Variants in SH3D19 observed in about 807,000 individuals in gnomAD.
SH3D19 encodes SH3 domain-containing protein 19.
A neutral mutation model predicts 112.1 loss-of-function variants in SH3D19; 58 were observed. The observed-to-expected ratio is 0.52, with a 90% CI of 0.42 to 0.64. The LOEUF (loss-of-function observed/expected upper bound fraction) is 0.64. Ranked by LOEUF, SH3D19 falls within the 30% of genes least tolerant of loss-of-function variation. SH3D19 has a pLI of 0.00. For missense variants in SH3D19, 1,090 were observed against 1,263.4 expected, an observed-to-expected ratio of 0.86 and a Z score of 2.08; for synonymous variants, 391 against 448.5, an observed-to-expected ratio of 0.87 and a Z score of 1.62.
At chr4:151,199,962 G>C (rs1010434197) in intron 2 of SH3D19, among the ~76,000 whole-genome samples, 1 of 152,116 alleles carries the variant, frequency 6.6e-6, no homozygotes, top group Non-Finnish European at 1.5e-5. Context: ...TAGGTCATAA[G>C]GGTAGAGCCC....
chr4:151,254,084 A>G (rs1037650730), intron 1 of SH3D19, among the ~76,000 whole-genome samples: 7 of 152,228 alleles, frequency 4.6e-5, no homozygotes, highest in Non-Finnish European at 2.9e-5. Flanking sequence ...CAAGGGCCTC[A>G]GTTTCCTCAT....
At chr4:151,321,982 T>G (rs759132314) in intron 1 of SH3D19, among the ~76,000 whole-genome samples, 4 of 152,124 alleles carry the variant, frequency 2.6e-5, no homozygotes, top group Non-Finnish European at 5.9e-5. Flanking sequence ...CTCTGTCAGG[T>G]CAGGCAATTA....
chr4:151,219,205 T>C (rs1767635056), intron 2 of SH3D19, among the ~76,000 whole-genome samples: 1 of 152,206 alleles, frequency 6.6e-6, no homozygotes, highest in South Asian at 2.1e-4. Context: ...TCTTAACATC[T>C]GATCAGGTTC....
chr4:151,128,045 T>G (rs896153138), intron 18 of SH3D19, 125 bp downstream of exon 18: 7 of 696,680 alleles, frequency 1.0e-5, no homozygotes, highest in Middle Eastern at 4.2e-4. Flanking sequence ...CATAACTTCA[T>G]GTATCAGCTC....
At chr4:151,161,269 G>A (rs189647736) in intron 8 of SH3D19, among the ~76,000 whole-genome samples, 1 of 152,230 alleles carries the variant, frequency 6.6e-6, no homozygotes, top group Admixed American at 6.5e-5. Flanking sequence ...CCGGGGAAAG[G>A]AGCTGACAGG....
intron 9 of SH3D19, among the ~76,000 whole-genome samples, chr4:151,150,589 G>A (rs1367377933): frequency 6.6e-6 from 1 of 151,904 alleles, no homozygotes; most frequent in Non-Finnish European, 1.5e-5. Context: ...AATAGTTAAG[G>A]TCCAAGAAAG....
At chr4:151,157,289 A>G (rs1756304227) in intron 9 of SH3D19, among the ~76,000 whole-genome samples, 1 of 152,086 alleles carries the variant, frequency 6.6e-6, no homozygotes, top group African/African-American at 2.4e-5. Flanking sequence ...TGATCTGGGT[A>G]TTTCTCAAAA....
Position 151,291,170 on chromosome 4 carries a change from C to G in SH3D19, c.112+34071G>C, listed in dbSNP as rs750560511. On this transcript the variant is annotated intron_variant, in intron 1 of 19. Transcript: ENST00000604030. ...CACATTGATGGTGTATGGATCCAGA[C>G]AGGAGTAGTAAGCTGGGGATTAGAA... 7.4e-6 allele frequency: 12 copies of G among 1,613,844 alleles called. No homozygotes were observed. The South Asian group carries it at 1.3e-4, about 18-fold the overall frequency.
intron 1 of SH3D19, among the ~76,000 whole-genome samples, chr4:151,306,934 C>A (rs999588688): frequency 6.6e-6 from 1 of 152,126 alleles, no homozygotes; most frequent in African/African-American, 2.4e-5. Context: ...TTATCATCCA[C>A]TCTCCCGCAT....
chr4:151,174,737 A>C lies in SH3D19; in HGVS notation c.1467T>G (p.Asp489Glu). 6.6e-7 allele frequency: 1 copy of C among 1,521,416 alleles called. No individual in the cohort carries two copies. Among genetic ancestry groups the C allele is most frequent in the Non-Finnish European group, 8.8e-7 (1 of 1,137,296 alleles). 94.2% of individuals were successfully genotyped at this position (1,521,416 alleles called of 1,614,324 possible). A position where few individuals can be genotyped will look rare whatever the true frequency, so the allele number is the denominator to read the frequency against. Residue 489 changes from aspartate to glutamate, a missense_variant, in exon 7 of 20, where the codon GAT (aspartate) becomes GAG (glutamate). Coordinates refer to ENST00000604030, the MANE Select transcript of SH3D19 (RefSeq NM_001378122.1). Reference sequence around the variant, plus strand: ...CCGATGGGGTGGGCAAAACATCATCATCAAAGCTGATGAGATCGATGTCCA... The same window carrying C: ...CCGATGGGGTGGGCAAAACATCATCCTCAAAGCTGATGAGATCGATGTCCA... ...PLVDIDLISF[D>E]DDVLPTPSGN... is the part of the protein sequence containing the mutation.
rs903382195 is a variant in SH3D19, at chr4:151,325,245, G to C, written c.108C>G (p.Ala36=). The stretch of plus-strand genomic sequence containing the variant: ...CCCGTCCCCCGCGCCTCTCACCTGC[G>C]GCCGAGTGGCCCGAGAGCGCACGGC... ...ARGRALSGHS[A]ADRNERNKPE... Residue 36 remains alanine (A), a synonymous_variant, in exon 1 of 20, where the codon GCC becomes GCG. Transcript: ENST00000604030. 10 of 1,220,674 alleles carry C rather than the reference G, an allele frequency of 8.2e-6. No individual in the cohort carries two copies. The African/African-American group carries it at 1.4e-4, about 17-fold the overall frequency. The allele number at this position is 1,220,674 out of a possible 1,614,324, so 75.6% of individuals were successfully genotyped here.
At chr4:151,142,339 T>C (rs1753153742) in intron 12 of SH3D19, among the ~76,000 whole-genome samples, 1 of 152,188 alleles carries the variant, frequency 6.6e-6, no homozygotes, top group Non-Finnish European at 1.5e-5. Flanking sequence ...AGAACACTTT[T>C]ATCACTCCCC....
At chr4:151,226,717 T>C (rs1769067755) in intron 1 of SH3D19, 2 of 153,204 alleles carry the variant, frequency 1.3e-5, no homozygotes, top group South Asian at 2.1e-4. Context: ...GATCCTACAA[T>C]GCATAGAGCG....
chr4:151,175,773 T>G (rs2149828017), intron 6 of SH3D19, 99 bp from the exon 7 acceptor site: 1 of 1,076,220 alleles, frequency 9.3e-7, no homozygotes, highest in African/African-American at 1.6e-5. Flanking sequence ...TAAAACTACA[T>G]ACATGGAATA....
chr4:151,154,452 G>A (rs1047393550), intron 9 of SH3D19, among the ~76,000 whole-genome samples: 2 of 151,796 alleles, frequency 1.3e-5, no homozygotes, highest in South Asian at 2.1e-4. Flanking sequence ...GCTAATTTTT[G>A]TATTTTTAGT....
At chr4:151,126,969 G>A (rs1023384381) in intron 19 of SH3D19, among the ~76,000 whole-genome samples, 2 of 150,270 alleles carry the variant, frequency 1.3e-5, no homozygotes, top group Non-Finnish European at 3.0e-5. Context: ...GAGTGCAGTG[G>A]TGCAATCTCG....
chr4:151,269,592 T>C (rs370444957), intron 1 of SH3D19, among the ~76,000 whole-genome samples: 1 of 152,184 alleles, frequency 6.6e-6, no homozygotes, highest in Non-Finnish European at 1.5e-5. Flanking sequence ...TGTTTAAGTC[T>C]TTAATCCATC....
chr4:151,287,905 A>C (rs1774974845), intron 1 of SH3D19, among the ~76,000 whole-genome samples: 2 of 152,230 alleles, frequency 1.3e-5, no homozygotes, highest in Non-Finnish European at 2.9e-5. Flanking sequence ...AAAAAATAAA[A>C]AATAAAAAGG....
chr4:151,296,143 G>A (rs1256722430), intron 1 of SH3D19, among the ~76,000 whole-genome samples: 1 of 152,088 alleles, frequency 6.6e-6, no homozygotes, highest in Non-Finnish European at 1.5e-5. Context: ...AAACTGTATG[G>A]TATGCGATTT....
Sources: gnomAD v4.1 joint callset for allele counts (sites outside exome capture counted in the v4.1 genomes callset) on GRCh38, gnomAD v4.1.1 for gene constraint, MANE v1.5 for transcripts, NCBI Gene and HGNC (gene_info 2026-07-23, HGNC 2026-07-21) for gene names.